The following DEFB110 variants were observed in gnomAD, a reference collection of about 807,000 sequenced individuals.
DEFB110 encodes defensin beta 110.
DEFB110 carries 4 observed loss-of-function variants against 2.5 expected under a neutral mutation model. The ratio of observed to expected loss-of-function variants is 1.60; its 90% CI spans 0.79 to 3.66. The LOEUF (loss-of-function observed/expected upper bound fraction) is 3.66, where lower values mean the gene tolerates loss of function less well. Ranked by LOEUF, DEFB110 falls within the 30% of genes most tolerant of loss-of-function variation. The probability of loss-of-function intolerance (pLI) is 0.01; values close to 1 mark genes in which losing one functional copy is unlikely to be tolerated. For missense variants in DEFB110, 94 were observed against 75.4 expected (o/e 1.25, Z -0.91); for synonymous variants, 29 against 21.8 (o/e 1.33, Z -0.92).
At chr6:50,017,045 C>A, downstream of DEFB110, among the ~76,000 whole-genome samples, 1 of 151,740 alleles carries the variant, frequency 6.6e-6, no homozygotes, top group Non-Finnish European at 1.5e-5. Context: ...TTAGGCCTCT[C>A]AATTCTGATT....
intron 1 of DEFB110, among the ~76,000 whole-genome samples, chr6:50,013,299 T>C (rs772632156): frequency 7.2e-5 from 11 of 151,824 alleles, no homozygotes; most frequent in Non-Finnish European, 1.6e-4. Context: ...AAAGCATATT[T>C]TCCTGAAATT....
At chr6:50,010,873 T>C (rs1005908457) in intron 1 of DEFB110, among the ~76,000 whole-genome samples, 1 of 151,654 alleles carries the variant, frequency 6.6e-6, no homozygotes, top group African/African-American at 2.4e-5. Flanking sequence ...TGGTGGTTTT[T>C]AAGATATATT....
At chr6:50,014,662 T>C (rs910670607), downstream of DEFB110, among the ~76,000 whole-genome samples, 1 of 151,778 alleles carries the variant, frequency 6.6e-6, no homozygotes, top group Admixed American at 6.6e-5. Flanking sequence ...CTTTACAAAT[T>C]CTCAGCTCTC....
At chr6:50,011,360 G>T (rs538855797) in intron 1 of DEFB110, among the ~76,000 whole-genome samples, 6 of 151,778 alleles carry the variant, frequency 4.0e-5, no homozygotes, top group Admixed American at 2.0e-4. Flanking sequence ...TTATATTTCC[G>T]CACATTTTGT....
chr6:50,018,163 G>A (rs943445436), downstream of DEFB110, among the ~76,000 whole-genome samples: 3 of 151,944 alleles, frequency 2.0e-5, no homozygotes, highest in African/African-American at 7.2e-5. Flanking sequence ...CTCAGAGGAA[G>A]CAGTAGAGGA....
downstream of DEFB110, among the ~76,000 whole-genome samples, chr6:50,018,510 G>T (rs1317030381): frequency 6.6e-6 from 1 of 151,856 alleles, no homozygotes; most frequent in African/African-American, 2.4e-5. Flanking sequence ...ATAAAGATCT[G>T]CCCTCTCAAT....
chr6:50,016,173 A>G (rs567903753), downstream of DEFB110, among the ~76,000 whole-genome samples: 2 of 151,974 alleles, frequency 1.3e-5, no homozygotes, highest in East Asian at 3.9e-4. Flanking sequence ...TGAATACATG[A>G]TATCAGGTAG....
rs544992965 is a variant in DEFB110 at position 50,010,903 on chromosome 6, C to G, written c.56-1632G>C. Among the ~76,000 whole-genome samples, 60 of 151,500 alleles carry G rather than the reference C, an allele frequency of 4.0e-4. 2 individuals are homozygous for G. The highest frequency in any genetic ancestry group is 1.2e-3 in the African/African-American group (49 of 41,420). On this transcript the variant is annotated intron_variant, in intron 1 of 1. Transcript: ENST00000393660. ...TATATTCAAATTAGAAAAAAGTATA[C>G]ACATAGAAATAATAGTAATATTTAA...
downstream of DEFB110, chr6:50,018,747 T>G: frequency 8.8e-7 from 1 of 1,134,632 alleles, no homozygotes; most frequent in East Asian, 3.8e-5. Flanking sequence ...CTTGAGGAAC[T>G]TGCATAAAAT....
At chr6:50,021,568 T>C (rs1774418595) in intron 1 of DEFB110, among the ~76,000 whole-genome samples, 1 of 152,228 alleles carries the variant, frequency 6.6e-6, no homozygotes, top group Non-Finnish European at 1.5e-5. Flanking sequence ...AGTTGCAAAG[T>C]TGGTGGAAGC....
At chr6:50,011,702 A>G (rs932749919) in intron 1 of DEFB110, among the ~76,000 whole-genome samples, 12 of 151,960 alleles carry the variant, frequency 7.9e-5, no homozygotes, top group African/African-American at 2.9e-4. Flanking sequence ...CACAAATAAC[A>G]TCTCTGAGGG....
downstream of DEFB110, among the ~76,000 whole-genome samples, chr6:50,017,306 G>A (rs374623354): frequency 6.6e-5 from 10 of 151,618 alleles, no homozygotes; most frequent in East Asian, 1.4e-3. Context: ...AATGTAATTG[G>A]CCACCTGAAA....
At position 50,021,002 on chromosome 6, in the gene DEFB110, T is replaced by C. The variant is rs78444329; in HGVS notation, c.55+879A>G. ...CACCCCTTCTCTTATTCATTCTTTGTCTTATTTCACCTTTCTAAAACATTA... is the reference window on the plus strand; with the variant it reads ...CACCCCTTCTCTTATTCATTCTTTGCCTTATTTCACCTTTCTAAAACATTA... On this transcript the variant is annotated intron_variant, in intron 1 of 1. Transcript: ENST00000371148. 9.9e-3 allele frequency among the ~76,000 whole-genome samples: 1,508 copies of C among 152,232 alleles called. 33 individuals are homozygous for C. The highest frequency in any genetic ancestry group is 0.033 in the African/African-American group (1,361 of 41,546).
intron 1 of DEFB110, among the ~76,000 whole-genome samples, chr6:50,011,960 T>C (rs903396242): frequency 3.3e-5 from 5 of 152,088 alleles, no homozygotes; most frequent in Admixed American, 6.6e-5. Context: ...CATTTTGCTA[T>C]ATAGCACAAA....
chr6:50,016,241 T>G (rs1774313864), downstream of DEFB110, among the ~76,000 whole-genome samples: 2 of 151,830 alleles, frequency 1.3e-5, no homozygotes. Context: ...AAATCTAATT[T>G]CAATATAATG....
chr6:50,012,564 G>A (rs1355263637), intron 1 of DEFB110, among the ~76,000 whole-genome samples: 3 of 151,890 alleles, frequency 2.0e-5, no homozygotes, highest in Admixed American at 2.0e-4. Flanking sequence ...ATACTTCAGA[G>A]GGTTGTGTGG....
chr6:50,009,180 A>T (rs996972469), exon 2 of DEFB110: 8 of 1,611,288 alleles, frequency 5.0e-6, no homozygotes, highest in Non-Finnish European at 6.8e-6. Context: ...AGTATCCATA[A>T]TCATACTCAA....
At chr6:50,009,376 C>G in intron 1 of DEFB110, 1 of 1,209,060 alleles carries the variant, frequency 8.3e-7, no homozygotes, top group Non-Finnish European at 1.1e-6. Flanking sequence ...CATGTGTGTG[C>G]AAGTTGGAGA....
chr6:50,021,861 C>A lies in DEFB110; in HGVS notation c.55+20G>T. 5 of 1,551,016 alleles carry A rather than the reference C, an allele frequency of 3.2e-6. No individual in the cohort carries two copies. The highest frequency in any genetic ancestry group is 4.3e-6 in the Non-Finnish European group (5 of 1,157,188). ...TCTCAAATTTGTTAGTATAAATCCCCACAAATATTTGCATATTACCTGGTA... is the reference window on the plus strand; with the variant it reads ...TCTCAAATTTGTTAGTATAAATCCCAACAAATATTTGCATATTACCTGGTA... On this transcript the variant is annotated intron_variant, in intron 1 of 1. Coordinates refer to ENST00000371148, the MANE Select transcript of DEFB110 (RefSeq NM_001037497.2).
Sources: allele counts gnomAD v4.1 joint callset (sites outside exome capture counted in the v4.1 genomes callset), GRCh38; gene constraint gnomAD v4.1.1; transcripts MANE v1.5; gene names NCBI Gene and HGNC (gene_info 2026-07-23, HGNC 2026-07-21).